Variants in DENND2B observed in about 807,000 individuals in gnomAD.
The protein encoded by DENND2B is DENN domain containing 2B, also known as DENN domain-containing protein 2B.
Under a neutral mutation model 116.0 loss-of-function variants are expected in DENND2B, and 32 were observed. The ratio of observed to expected loss-of-function variants is 0.28; its 90% CI spans 0.21 to 0.37. The LOEUF (loss-of-function observed/expected upper bound fraction) is 0.37. Among genes scored for constraint, DENND2B ranks in the 10% least tolerant of loss-of-function variants. DENND2B has a pLI of 1.00. For missense variants in DENND2B, 1,276 were observed against 1,477.7 expected (o/e 0.86, Z 2.24); for synonymous variants, 588 against 583.9 (o/e 1.01, Z -0.10).
chr11:8,700,942 C>T (rs2041472872), intron 14 of DENND2B, among the ~76,000 whole-genome samples: 1 of 152,146 alleles, frequency 6.6e-6, no homozygotes, highest in South Asian at 2.1e-4. Context: ...CTGCCTCAGC[C>T]TCCTGAGTAG....
In DENND2B at chr11:8,765,731, T is replaced by C. The variant is rs369778166; in HGVS notation, c.-25-15006A>G. 5.9e-5 allele frequency among the ~76,000 whole-genome samples: 9 copies of C among 152,156 alleles called. No individual in the cohort carries two copies. The South Asian group carries it at 1.0e-3, about 18-fold the overall frequency. On this transcript the variant is annotated intron_variant, in intron 1 of 19. Transcript: ENST00000313726. ...GGCTACTCAGTTGTTAGGATATAAA[T>C]ACTCAATTGTTTAAACCTACTTAAG... is the stretch of plus-strand genomic sequence containing the variant.
At chr11:8,749,101 G>GT (rs1215609317) in intron 2 of DENND2B, among the ~76,000 whole-genome samples, 1 of 152,180 alleles carries the variant, frequency 6.6e-6, no homozygotes, top group Non-Finnish European at 1.5e-5. Context: ...TGGAACCTTA[G>GT]TTTTCAGCCC....
At chr11:8,820,300 T>G (rs1047460457) in intron 4 of DENND2B, among the ~76,000 whole-genome samples, 1 of 152,194 alleles carries the variant, frequency 6.6e-6, no homozygotes, top group Admixed American at 6.5e-5. Flanking sequence ...AAATAACCTA[T>G]GCTAAACAAA....
At chr11:8,782,748 G>C (rs896363012) in intron 1 of DENND2B, among the ~76,000 whole-genome samples, 3 of 151,806 alleles carry the variant, frequency 2.0e-5, no homozygotes, top group Non-Finnish European at 4.4e-5. Context: ...TTAGGCGGGC[G>C]TGGGGGTGGG....
chr11:8,818,687 TCTC>T (rs911452599), intron 4 of DENND2B, among the ~76,000 whole-genome samples: 1 of 152,186 alleles, frequency 6.6e-6, no homozygotes, highest in Admixed American at 6.5e-5. Context: ...TCAGCTTAAT[TCTC>T]CTGCTAGCTG....
At chr11:8,709,913 A>G (rs1372995306) in intron 11 of DENND2B, among the ~76,000 whole-genome samples, 6 of 152,182 alleles carry the variant, frequency 3.9e-5, no homozygotes, top group African/African-American at 1.4e-4. Flanking sequence ...CAGGCCATCT[A>G]AAGTTCCTCG....
chr11:8,894,694 A>G (rs1361420525), intron 1 of DENND2B, among the ~76,000 whole-genome samples: 2 of 152,172 alleles, frequency 1.3e-5, no homozygotes, highest in South Asian at 2.1e-4. Flanking sequence ...CAAAACCACA[A>G]TGAGATACCA....
chr11:8,702,200 T>C lies in DENND2B; in HGVS notation c.2720+372A>G, dbSNP rs983183799. Among the ~76,000 whole-genome samples the C allele has an allele frequency of 2.0e-5, 3 of 152,168 alleles. No homozygotes were observed. The highest frequency in any genetic ancestry group is 6.5e-5 in the Admixed American group (1 of 15,282). On this transcript the variant is annotated intron_variant, in intron 14 of 19. Transcript: ENST00000313726. The surrounding 1 kb of genome is among the most constrained non-coding windows in gnomAD (Gnocchi z 4.6). ...CTCTTTCCTCAAACTCAGCATCCCA[T>C]TGAGATGGCTTTGCCTCCCCCTCCA... is the stretch of plus-strand genomic sequence containing the variant.
intron 1 of DENND2B, chr11:8,771,566 A>AGAGAGAGAGAGAGAGAGAGAGAGAGGC (rs146752028): frequency 8.3e-6 from 1 of 120,310 alleles, no homozygotes; most frequent in Non-Finnish European, 1.8e-5. Flanking sequence ...AGAGAGAGAG[A>AGAGAGAGAGAGAGAGAGAGAGAGAGGC]GCCTTCTTCC....
intron 1 of DENND2B, among the ~76,000 whole-genome samples, chr11:8,764,999 G>A (rs77385396): frequency 1.3e-5 from 2 of 148,456 alleles, no homozygotes; most frequent in African/African-American, 4.9e-5. Context: ...AAGGTCCAAC[G>A]CCTGGCCCCT....
At chr11:8,737,207 C>A (rs1317158111) in intron 2 of DENND2B, among the ~76,000 whole-genome samples, 1 of 152,174 alleles carries the variant, frequency 6.6e-6, no homozygotes, top group African/African-American at 2.4e-5. Flanking sequence ...ATATTTAAAA[C>A]CATGTGGCCA....
intron 2 of DENND2B, among the ~76,000 whole-genome samples, chr11:8,879,147 G>A (rs1042905385): frequency 3.3e-5 from 5 of 152,242 alleles, no homozygotes; most frequent in African/African-American, 1.2e-4. Flanking sequence ...GCAGGGCCAT[G>A]TGACTGTCCA....
At position 8,707,973 on chromosome 11, in the gene DENND2B, CTT is replaced by C; in HGVS notation, c.2353-121_2353-120del. 1 of 1,534,388 alleles carries C rather than the reference CTT, an allele frequency of 6.5e-7. No homozygotes were observed. Among genetic ancestry groups the C allele is most frequent in the Non-Finnish European group, 8.7e-7 (1 of 1,145,020 alleles). The stretch of plus-strand genomic sequence containing the variant: ...GGACTGCCCTTCTAGTGGAGGAAGA[CTT>C]TAAGCCTCCTCTAAACCTCTCTGCA... On this transcript the variant is annotated intron_variant, in intron 11 of 19. Coordinates refer to ENST00000313726, the MANE Select transcript of DENND2B (RefSeq NM_213618.2). This position sits in a 1 kb window ranked among gnomAD's most constrained non-coding sequence, Gnocchi z 4.8.
intron 4 of DENND2B, among the ~76,000 whole-genome samples, chr11:8,721,684 G>A (rs1050074423): frequency 1.3e-5 from 2 of 152,268 alleles, no homozygotes; most frequent in African/African-American, 2.4e-5. Context: ...CGACAGCCCC[G>A]GCACCTTCCC....
chr11:8,892,474 G>GATCAACAAA (rs2064046409), intron 1 of DENND2B, among the ~76,000 whole-genome samples: 1 of 151,980 alleles, frequency 6.6e-6, no homozygotes, highest in Non-Finnish European at 1.5e-5. Context: ...TTTTTGAAAA[G>GATCAACAAA]ATCAACAAAA....
intron 2 of DENND2B, among the ~76,000 whole-genome samples, chr11:8,743,224 T>C (rs2050555573): frequency 6.6e-6 from 1 of 152,028 alleles, no homozygotes; most frequent in South Asian, 2.1e-4. Context: ...TTAAAAAAAA[T>C]CTAAAGTGAG....
chr11:8,796,103 A>G (rs1008771233), intron 1 of DENND2B, among the ~76,000 whole-genome samples: 1 of 152,220 alleles, frequency 6.6e-6, no homozygotes, highest in Non-Finnish European at 1.5e-5. Context: ...TTCACAAACT[A>G]TTCCATCTAA....
rs984105239 is a variant in DENND2B at position 8,725,947 on chromosome 11, G to A, written c.1477+126C>T. 1.5e-5 allele frequency: 21 copies of A among 1,382,044 alleles called. No homozygotes were observed. In the Admixed American group the frequency reaches 4.0e-4, roughly 26 times the overall value. The allele number at this position is 1,382,044 out of a possible 1,614,324, so 85.6% of individuals were successfully genotyped here. On this transcript the variant is annotated intron_variant, in intron 4 of 19. Coordinates refer to ENST00000313726, the MANE Select transcript of DENND2B (RefSeq NM_213618.2). ...TGCTTCCCCTGATGTCCCATTCCAG[G>A]AGGAGTTCCAGAAGGTGGGACCATG...
chr11:8,730,849 G>A lies in DENND2B; in HGVS notation c.441C>T (p.Pro147=), dbSNP rs143810156. 1.6e-5 allele frequency: 26 copies of A among 1,613,416 alleles called. No homozygotes were observed. In the South Asian group the frequency reaches 2.1e-4, roughly 13 times the overall value. ...STPFPGPAAG[P]RGVLLTRTGT... is the part of the protein sequence containing the mutation. ...CGGTACGGGTCAGCAAGACGCCCCGGGGGCCAGCTGCTGGCCCCGGGAATG... is the reference window on the plus strand; with the variant it reads ...CGGTACGGGTCAGCAAGACGCCCCGAGGGCCAGCTGCTGGCCCCGGGAATG... Residue 147 remains proline (P), a synonymous_variant, in exon 3 of 20, where the codon CCC becomes CCT. Transcript: ENST00000313726. This position sits in a 1 kb window ranked among gnomAD's most constrained non-coding sequence, Gnocchi z 4.1.
Sources: allele counts gnomAD v4.1 joint callset (sites outside exome capture counted in the v4.1 genomes callset), GRCh38; gene constraint gnomAD v4.1.1; non-coding constraint Gnocchi (gnomAD v3.1); transcripts MANE v1.5; gene names NCBI Gene and HGNC (gene_info 2026-07-23, HGNC 2026-07-21).